The following MALRD1 variants were observed in gnomAD, a reference collection of about 807,000 sequenced individuals.
MALRD1 encodes MAM and LDL receptor class A domain containing 1.
A neutral mutation model predicts 242.1 loss-of-function variants in MALRD1; 247 were observed. That is an observed-to-expected ratio of 1.02 (90% CI 0.92 to 1.13). MALRD1 has a LOEUF of 1.13. MALRD1 is among the 50% of genes most tolerant of loss of function. MALRD1 has a pLI of 0.00. For missense variants in MALRD1, 2,989 were observed against 2,533.1 expected, an observed-to-expected ratio of 1.18 and a Z score of -3.86; for synonymous variants, 995 against 866.6, an observed-to-expected ratio of 1.15 and a Z score of -2.60.
intron 14 of MALRD1, among the ~76,000 whole-genome samples, chr10:19,195,327 T>C (rs1274989895): frequency 6.6e-6 from 1 of 152,166 alleles, no homozygotes; most frequent in East Asian, 1.9e-4. Flanking sequence ...GCTTCCTTGA[T>C]TGTTCCTTCT....
rs111331751 is a variant in MALRD1, at chr10:19,254,049, G to GT, written c.2992-3634dup. Among the ~76,000 whole-genome samples, 9 of 152,144 alleles carry GT rather than the reference G, an allele frequency of 5.9e-5. 1 individual carries two copies. Among genetic ancestry groups the GT allele is most frequent in the African/African-American group, 2.2e-4 (9 of 41,538 alleles). ...GTTATCTTCTCCTTCTGCCACAATT[G>GT]TAAGTTTCTTGAGGCCTCCCCAGCC... is the stretch of plus-strand genomic sequence containing the variant. On this transcript the variant is annotated intron_variant, in intron 18 of 39. Transcript: ENST00000454679.
intron 28 of MALRD1, among the ~76,000 whole-genome samples, chr10:19,446,803 A>G (rs1234699502): frequency 6.6e-6 from 1 of 152,156 alleles, no homozygotes; most frequent in Non-Finnish European, 1.5e-5. Context: ...TAATGTGGTT[A>G]ATCACTTTTC....
chr10:19,569,298 T>C (rs1836399341), intron 33 of MALRD1, among the ~76,000 whole-genome samples: 1 of 152,002 alleles, frequency 6.6e-6, no homozygotes, highest in Admixed American at 6.6e-5. Flanking sequence ...ACCAATTTTC[T>C]CCAGCAATTC....
chr10:19,712,773 C>T (rs1484017799), intron 38 of MALRD1, among the ~76,000 whole-genome samples: 1 of 152,070 alleles, frequency 6.6e-6, no homozygotes, highest in African/African-American at 2.4e-5. Context: ...ACTGTGGAAA[C>T]TCGGAGATAT....
chr10:19,189,266 C>T (rs7910190), intron 14 of MALRD1, among the ~76,000 whole-genome samples: 65,487 of 151,756 alleles, frequency 0.43, 14,536 homozygotes, highest in Admixed American at 0.5. Context: ...CACAAAGAAA[C>T]AGAAAATCTG....
chr10:19,115,861 G>T (rs374013687), intron 5 of MALRD1, among the ~76,000 whole-genome samples: 112 of 152,112 alleles, frequency 7.4e-4, no homozygotes, highest in African/African-American at 2.6e-3. Flanking sequence ...GGGTGACAGG[G>T]TGAGATCCCA....
chr10:19,439,646 A>G (rs745408804), intron 28 of MALRD1, among the ~76,000 whole-genome samples: 3 of 152,328 alleles, frequency 2.0e-5, no homozygotes, highest in East Asian at 1.9e-4. Flanking sequence ...CTATACAACT[A>G]TACTAATTAG....
chr10:19,641,593 T>A (rs1354605109), intron 36 of MALRD1, among the ~76,000 whole-genome samples: 1 of 152,130 alleles, frequency 6.6e-6, no homozygotes, highest in Non-Finnish European at 1.5e-5. Context: ...AGGCAACATA[T>A]AAATTATGGA....
chr10:19,428,196 T>C (rs1833975052), intron 28 of MALRD1, among the ~76,000 whole-genome samples: 3 of 151,838 alleles, frequency 2.0e-5, no homozygotes, highest in Non-Finnish European at 2.9e-5. Flanking sequence ...GGGTGGATGA[T>C]CTCCAAGCGT....
chr10:19,346,719 T>G (rs1266202684), intron 24 of MALRD1, among the ~76,000 whole-genome samples: 2 of 152,096 alleles, frequency 1.3e-5, no homozygotes, highest in African/African-American at 2.4e-5. Context: ...TGGCACAGTC[T>G]CGCTCACTGC....
intron 18 of MALRD1, among the ~76,000 whole-genome samples, chr10:19,238,574 A>T (rs150339699): frequency 0.016 from 1,701 of 107,556 alleles, 12 homozygotes; most frequent in Middle Eastern, 0.032. Flanking sequence ...TAATATACAT[A>T]ATGTATATTA....
At chr10:19,532,298 C>T (rs985052831) in intron 32 of MALRD1, among the ~76,000 whole-genome samples, 2 of 152,100 alleles carry the variant, frequency 1.3e-5, no homozygotes, top group East Asian at 1.9e-4. Flanking sequence ...TCTGTCGCCC[C>T]GACTGAAGTG....
intron 35 of MALRD1, among the ~76,000 whole-genome samples, chr10:19,610,796 T>C (rs879201249): frequency 2.0e-5 from 3 of 152,022 alleles, no homozygotes; most frequent in Admixed American, 2.0e-4. Flanking sequence ...AAGTAAGTTA[T>C]ATGAAAGGCC....
At chr10:19,216,727 C>T (rs549336944) in intron 18 of MALRD1, among the ~76,000 whole-genome samples, 18 of 151,438 alleles carry the variant, frequency 1.2e-4, no homozygotes, top group African/African-American at 3.6e-4. Flanking sequence ...GGGTGGATCA[C>T]GAGGTCAGGA....
chr10:19,450,566 C>A (rs2131039251), intron 29 of MALRD1, 76 bp downstream of exon 29: 1 of 1,241,982 alleles, frequency 8.1e-7, no homozygotes, highest in Non-Finnish European at 1.1e-6. Flanking sequence ...CACAAGTTTA[C>A]AATGCTTTAC....
rs1161069632 is a variant in MALRD1 at position 19,176,377 on chromosome 10, T to C, written c.1951+1049T>C. On this transcript the variant is annotated intron_variant, in intron 14 of 39. Coordinates refer to ENST00000454679, the MANE Select transcript of MALRD1 (RefSeq NM_001142308.3). ...TATATTTCTGGGTGCTTTTTTTTTTTTTTTTTTTGAGACGGAGTCTCGCTC... is the reference window on the plus strand; with the variant it reads ...TATATTTCTGGGTGCTTTTTTTTTTCTTTTTTTTGAGACGGAGTCTCGCTC... Among the ~76,000 whole-genome samples, 2 of 116,260 alleles carry C rather than the reference T, an allele frequency of 1.7e-5. 1 individual carries two copies. The highest frequency in any genetic ancestry group is 3.8e-5 in the Non-Finnish European group (2 of 52,544). 76.3% of individuals were successfully genotyped at this position (116,260 alleles called of 152,430 possible).
chr10:19,049,697 T>A (rs1834428280), intron 1 of MALRD1, among the ~76,000 whole-genome samples: 1 of 151,974 alleles, frequency 6.6e-6, no homozygotes, highest in Non-Finnish European at 1.5e-5. Context: ...CCTGGATGAG[T>A]CATCCAGGAC....
At chr10:19,414,133 A>G (rs1425662097) in intron 28 of MALRD1, among the ~76,000 whole-genome samples, 1 of 152,164 alleles carries the variant, frequency 6.6e-6, no homozygotes, top group Admixed American at 6.5e-5. Flanking sequence ...TAGACTCTAC[A>G]GAACTTTATA....
At chr10:19,577,759 A>G (rs1191943833) in intron 33 of MALRD1, among the ~76,000 whole-genome samples, 1 of 152,026 alleles carries the variant, frequency 6.6e-6, no homozygotes, top group Non-Finnish European at 1.5e-5. Flanking sequence ...TAACATATAT[A>G]TATATATAAT....
Sources: gnomAD v4.1 joint callset for allele counts (sites outside exome capture counted in the v4.1 genomes callset) on GRCh38, gnomAD v4.1.1 for gene constraint, MANE v1.5 for transcripts, NCBI Gene and HGNC (gene_info 2026-07-23, HGNC 2026-07-21) for gene names.